The following TIAL1 variants were observed in gnomAD, a reference collection of about 807,000 sequenced individuals.
TIAL1 encodes the protein TIA1 cytotoxic granule associated RNA binding protein like 1.
Under a neutral mutation model 59.7 loss-of-function variants are expected in TIAL1, and 7 were observed. That is an observed-to-expected ratio of 0.12 (90% CI 0.07 to 0.22). The LOEUF is 0.22. TIAL1 is among the 10% of genes least tolerant of loss of function. The pLI is 1.00. For missense variants in TIAL1, 225 were observed against 462.5 expected, an observed-to-expected ratio of 0.49 and a Z score of 4.71; for synonymous variants, 149 against 146.3, an observed-to-expected ratio of 1.02 and a Z score of -0.13.
At chr10:119,584,149 C>G (rs971524954) in intron 2 of TIAL1, among the ~76,000 whole-genome samples, 1 of 151,936 alleles carries the variant, frequency 6.6e-6, no homozygotes, top group Non-Finnish European at 1.5e-5. Context: ...TAATAGTAGG[C>G]CAGCTCCCAA....
In TIAL1 at chr10:119,575,614, A is replaced by G. The variant is rs781030286; in HGVS notation, c.*51T>C. On this transcript the variant is annotated 3_prime_UTR_variant, in exon 12 of 12. Coordinates refer to ENST00000436547, the MANE Select transcript of TIAL1 (RefSeq NM_003252.4). ...TCTACTTTCATGTCTTCAGAGTGTC[A>G]CAGGAAATCGAAGCCTATCATGAAT... The G allele has an allele frequency of 2.5e-6, 4 of 1,606,032 alleles. No homozygotes were observed. The African/African-American group carries it at 5.4e-5, about 22-fold the overall frequency.
At chr10:119,588,488 C>A (rs1235540442) in intron 1 of TIAL1, 2 of 270,144 alleles carry the variant, frequency 7.4e-6, no homozygotes, top group South Asian at 1.7e-4. Flanking sequence ...GGATTACAGG[C>A]GCATGCCACC....
Position 119,577,459 on chromosome 10 carries a change from T to C in TIAL1, c.729A>G (p.Ser243=). 1 of 1,612,434 alleles carries C rather than the reference T, an allele frequency of 6.2e-7. No homozygotes were observed. The highest frequency in any genetic ancestry group is 1.3e-5 in the African/African-American group (1 of 74,986). Reference sequence around the variant, plus strand: ...TTCAAGTAGAGTGTTACCTGACAAATGAATAGCCCTTTTCTGGGAAAACTC... The same window carrying C: ...TTCAAGTAGAGTGTTACCTGACAAACGAATAGCCCTTTTCTGGGAAAACTC... ...EIRVFPEKGY[S]FVRFSTHESA... The change falls in exon 9 of 12, where the codon TCA becomes TCG. Residue 243 remains serine (S), a synonymous_variant. Coordinates refer to ENST00000436547, the MANE Select transcript of TIAL1 (RefSeq NM_003252.4).
At chr10:119,578,516 A>C (rs1052222391) in intron 7 of TIAL1, among the ~76,000 whole-genome samples, 12 of 152,092 alleles carry the variant, frequency 7.9e-5, no homozygotes, top group South Asian at 2.1e-4. Context: ...CTGTAGTCTC[A>C]GTTACTCAGG....
In TIAL1 at chr10:119,582,754, CG is replaced by C. The variant is rs1356225283; in HGVS notation, c.130-198del. 6 of 680,460 alleles carry C rather than the reference CG, an allele frequency of 8.8e-6. No homozygotes were observed. Among genetic ancestry groups the C allele is most frequent in the Non-Finnish European group, 1.3e-5 (6 of 454,062 alleles). 42.2% of individuals were successfully genotyped at this position (680,460 alleles called of 1,614,324 possible). On this transcript the variant is annotated intron_variant, in intron 2 of 11. Transcript: ENST00000436547. This position sits in a 1 kb window ranked among gnomAD's most constrained non-coding sequence, Gnocchi z 5.1. ...ACCTCAGAATACTGCTGAACTCAAA[CG>C]GAACTATAAAAGCAGTTGTAGAATC...
Position 119,577,434 on chromosome 10 carries a change from T to G in TIAL1, c.737+17A>C. On this transcript the variant is annotated intron_variant, in intron 9 of 11. Coordinates refer to ENST00000436547, the MANE Select transcript of TIAL1 (RefSeq NM_003252.4). ...TCAAATATAAGAGTAATAATGATAT[T>G]TCAAGTAGAGTGTTACCTGACAAAT... is the stretch of plus-strand genomic sequence containing the variant. The G allele has an allele frequency of 6.3e-7, 1 of 1,593,108 alleles. No individual in the cohort carries two copies. The highest frequency in any genetic ancestry group is 8.6e-7 in the Non-Finnish European group (1 of 1,163,550).
intron 1 of TIAL1, among the ~76,000 whole-genome samples, chr10:119,588,600 T>C (rs1301717999): frequency 6.6e-6 from 1 of 152,214 alleles, no homozygotes; most frequent in South Asian, 2.1e-4. Context: ...CGCCTTGGCC[T>C]CCCAAAGTGC....
At chr10:119,584,384 A>T (rs1019149524) in intron 2 of TIAL1, among the ~76,000 whole-genome samples, 1 of 135,826 alleles carries the variant, frequency 7.4e-6, no homozygotes, top group Non-Finnish European at 1.7e-5. Context: ...CATCTAAAGT[A>T]AAAAAAAAAT....
Position 119,582,842 on chromosome 10 carries a change from A to G in TIAL1, c.130-285T>C, listed in dbSNP as rs762638873. Among the ~76,000 whole-genome samples the G allele has an allele frequency of 6.6e-6, 1 of 152,164 alleles. No individual in the cohort carries two copies. Among genetic ancestry groups the G allele is most frequent in the Non-Finnish European group, 1.5e-5 (1 of 67,990 alleles). On this transcript the variant is annotated intron_variant, in intron 2 of 11. Transcript: ENST00000436547. The surrounding 1 kb of genome is among the most constrained non-coding windows in gnomAD (Gnocchi z 5.1). ...GTGAAGTGTGTTAAATATAAAATAG[A>G]AGATTATATTAAACCAAACAAAACC...
intron 1 of TIAL1, among the ~76,000 whole-genome samples, chr10:119,595,139 C>A (rs943474613): frequency 6.6e-6 from 1 of 152,200 alleles, no homozygotes; most frequent in Non-Finnish European, 1.5e-5. Context: ...CCAAAAAAAT[C>A]TCTATCAATA....
intron 7 of TIAL1, among the ~76,000 whole-genome samples, chr10:119,577,992 T>A (rs1316709996): frequency 1.3e-5 from 2 of 151,900 alleles, no homozygotes; most frequent in African/African-American, 4.8e-5. Context: ...TTTGGGAGGC[T>A]GAGGCAGGTG....
rs143410810 is a variant in TIAL1, at chr10:119,575,765, C to G, written c.1028G>C (p.Gly343Ala). 6.3e-7 allele frequency: 1 copy of G among 1,584,810 alleles called. No individual in the cohort carries two copies. The highest frequency in any genetic ancestry group is 8.6e-7 in the Non-Finnish European group (1 of 1,168,526). Residue 343 changes from glycine to alanine, a missense_variant, in exon 12 of 12, where the codon GGT (glycine) becomes GCT (alanine). Physicochemically the swap from Gly to Ala is moderately conservative, Grantham distance 60. This residue lies in a region of TIAL1 where 68 missense variants were observed against 71.3 expected (regional missense o/e 0.95). Transcript: ENST00000436547. ...VDQSPSAAWM[G>A]GFGAQPPQGQ... is the part of the protein sequence containing the mutation. Reference sequence around the variant, plus strand: ...TTGGGGAGGCTGAGCACCAAATCCACCCATCCAAGCAGCAGAAGGTGATTG... The same window carrying G: ...TTGGGGAGGCTGAGCACCAAATCCAGCCATCCAAGCAGCAGAAGGTGATTG...
chr10:119,587,618 G>C (rs1845634855), intron 2 of TIAL1, among the ~76,000 whole-genome samples: 1 of 150,784 alleles, frequency 6.6e-6, no homozygotes, highest in African/African-American at 2.4e-5. Context: ...CTAGTACATA[G>C]GAAATAGTCC....
chr10:119,580,439 A>T, intron 5 of TIAL1: 1 of 937,956 alleles, frequency 1.1e-6, no homozygotes. Context: ...AAAATTGAAA[A>T]AGAGGAAAAA....
At chr10:119,593,724 A>G (rs940682860) in intron 1 of TIAL1, among the ~76,000 whole-genome samples, 6 of 152,240 alleles carry the variant, frequency 3.9e-5, no homozygotes, top group Non-Finnish European at 8.8e-5. Context: ...CATGTTACTT[A>G]TATCTAATAG....
chr10:119,586,412 G>T, intron 2 of TIAL1, among the ~76,000 whole-genome samples: 1 of 152,072 alleles, frequency 6.6e-6, no homozygotes, highest in South Asian at 2.1e-4. Flanking sequence ...CTTGACTTCG[G>T]CTAGCACTTT....
chr10:119,592,243 G>C (rs1845918240), intron 1 of TIAL1: 1 of 152,168 alleles, frequency 6.6e-6, no homozygotes, highest in Non-Finnish European at 1.5e-5. Flanking sequence ...AAAAAATTCA[G>C]AAGAGGCATA....
chr10:119,590,503 A>G (rs1845794541), intron 1 of TIAL1, among the ~76,000 whole-genome samples: 1 of 152,062 alleles, frequency 6.6e-6, no homozygotes, highest in Admixed American at 6.6e-5. Flanking sequence ...TGAGGTCAGG[A>G]GTTTGAGACC....
rs535164037 is a variant in TIAL1 at position 119,583,658 on chromosome 10, AAC to A, written c.130-1103_130-1102del. Among the ~76,000 whole-genome samples, 244 of 152,308 alleles carry A rather than the reference AAC, an allele frequency of 1.6e-3. 1 individual carries two copies. The highest frequency in any genetic ancestry group is 5.7e-3 in the African/African-American group (237 of 41,566). On this transcript the variant is annotated intron_variant, in intron 2 of 11. Transcript: ENST00000436547. ...ATAAAATAAAGATCTTTTCAACCACAACAGTTTTTCATTCCAGGAAAGTTTTA... is the reference window on the plus strand; with the variant it reads ...ATAAAATAAAGATCTTTTCAACCACAAGTTTTTCATTCCAGGAAAGTTTTA...
Sources: allele counts gnomAD v4.1 joint callset (sites outside exome capture counted in the v4.1 genomes callset), GRCh38; gene constraint gnomAD v4.1.1; regional missense constraint gnomAD v4.1.1; non-coding constraint Gnocchi (gnomAD v3.1); transcripts MANE v1.5; gene names NCBI Gene and HGNC (gene_info 2026-07-23, HGNC 2026-07-21).